Variants in MAGI2 observed in about 807,000 individuals in gnomAD.
MAGI2 encodes the protein membrane associated guanylate kinase, WW and PDZ domain containing 2, also known as membrane-associated guanylate kinase, WW and PDZ domain-containing protein 2.
Under a neutral mutation model 133.3 loss-of-function variants are expected in MAGI2, and 35 were observed. The ratio of observed to expected loss-of-function variants is 0.26; its 90% CI spans 0.20 to 0.35. MAGI2 has a LOEUF of 0.35. Ranked by LOEUF, MAGI2 falls within the 10% of genes least tolerant of loss-of-function variation. The pLI, the probability that MAGI2 is intolerant of heterozygous loss-of-function variation, is 1.00. For synonymous variants in MAGI2, 729 were observed against 710.6 expected (o/e 1.03, Z -0.41); for missense variants, 1,636 against 1,863.4 (o/e 0.88, Z 2.25).
At chr7:79,171,770 A>ATATTTT in intron 1 of MAGI2, among the ~76,000 whole-genome samples, 19 of 31,214 alleles carry the variant, frequency 6.1e-4, no homozygotes, top group Non-Finnish European at 1.2e-3. Flanking sequence ...ATATATATAT[A>ATATTTT]TTTTTTTTTT....
At chr7:79,098,422 A>G (rs1261894078) in intron 1 of MAGI2, among the ~76,000 whole-genome samples, 1 of 152,182 alleles carries the variant, frequency 6.6e-6, no homozygotes, top group African/African-American at 2.4e-5. Context: ...CACTTAACAC[A>G]TTGACACTAC....
intron 2 of MAGI2, among the ~76,000 whole-genome samples, chr7:78,693,690 A>G (rs954345173): frequency 7.2e-5 from 11 of 152,208 alleles, no homozygotes; most frequent in African/African-American, 2.4e-4. Flanking sequence ...ATAATGAGCC[A>G]GGATGCTAGA....
chr7:78,813,782 T>A, intron 2 of MAGI2, among the ~76,000 whole-genome samples: 1 of 44,704 alleles, frequency 2.2e-5, no homozygotes, highest in Admixed American at 3.4e-4. Flanking sequence ...TGAGATTCTG[T>A]CTCAAAAAAA....
intron 9 of MAGI2, among the ~76,000 whole-genome samples, chr7:78,271,684 A>G (rs905726447): frequency 3.3e-5 from 5 of 152,050 alleles, no homozygotes; most frequent in African/African-American, 1.2e-4. Flanking sequence ...TAGTCTTAGG[A>G]TGGTGTATGT....
intron 1 of MAGI2, among the ~76,000 whole-genome samples, chr7:79,113,939 T>C (rs1266054114): frequency 6.6e-6 from 1 of 152,140 alleles, no homozygotes; most frequent in African/African-American, 2.4e-5. Flanking sequence ...CATGGAACAG[T>C]ATATGTCTTT....
At chr7:78,817,708 T>A (rs1789719701) in intron 2 of MAGI2, among the ~76,000 whole-genome samples, 2 of 151,458 alleles carry the variant, frequency 1.3e-5, no homozygotes, top group African/African-American at 4.8e-5. Flanking sequence ...TACAGTATAG[T>A]GTAAACTTTT....
At chr7:78,370,227 A>T (rs1405292746) in intron 6 of MAGI2, among the ~76,000 whole-genome samples, 11 of 152,100 alleles carry the variant, frequency 7.2e-5, no homozygotes, top group Admixed American at 6.6e-4. Flanking sequence ...TTTTCTATGC[A>T]TATGTGTGCA....
intron 10 of MAGI2, among the ~76,000 whole-genome samples, chr7:78,222,784 A>G (rs1352569814): frequency 6.6e-6 from 1 of 152,238 alleles, no homozygotes; most frequent in African/African-American, 2.4e-5. Context: ...ATGAGCTAAC[A>G]AATGAAAAGC....
chr7:79,238,750 C>A (rs541998445), intron 1 of MAGI2, among the ~76,000 whole-genome samples: 11 of 152,196 alleles, frequency 7.2e-5, no homozygotes, highest in African/African-American at 2.6e-4. Context: ...TGAGCATAAA[C>A]CCTATCTTTG....
At chr7:79,276,018 C>A (rs992225734) in intron 1 of MAGI2, among the ~76,000 whole-genome samples, 62 of 152,130 alleles carry the variant, frequency 4.1e-4, no homozygotes, top group Admixed American at 1.1e-3. Flanking sequence ...ATGTTGTTTT[C>A]ATGCCTGCTA....
chr7:78,703,501 T>TA (rs1255604181), intron 2 of MAGI2, among the ~76,000 whole-genome samples: 2 of 152,046 alleles, frequency 1.3e-5, no homozygotes, highest in Non-Finnish European at 2.9e-5. Flanking sequence ...GTTGAATGGA[T>TA]ACAGATACAG....
intron 1 of MAGI2, among the ~76,000 whole-genome samples, chr7:79,196,159 A>G (rs1156318171): frequency 6.6e-6 from 1 of 152,056 alleles, no homozygotes; most frequent in African/African-American, 2.4e-5. Context: ...TCATTCCACA[A>G]TGTATATTTT....
chr7:78,313,825 C>T (rs189809773), intron 9 of MAGI2, among the ~76,000 whole-genome samples: 9 of 152,184 alleles, frequency 5.9e-5, no homozygotes, highest in African/African-American at 1.9e-4. Flanking sequence ...TCGGATACTA[C>T]AATGACTTTT....
chr7:78,653,227 T>G (rs1811768725), intron 2 of MAGI2, among the ~76,000 whole-genome samples: 1 of 152,156 alleles, frequency 6.6e-6, no homozygotes, highest in African/African-American at 2.4e-5. Context: ...AATAGTGTGG[T>G]GATTCCTCAA....
intron 20 of MAGI2, among the ~76,000 whole-genome samples, chr7:78,100,298 A>G (rs1422964078): frequency 1.3e-5 from 2 of 152,164 alleles, no homozygotes; most frequent in Non-Finnish European, 2.9e-5. Flanking sequence ...AATCTGAATC[A>G]TACAACCCTG....
intron 6 of MAGI2, among the ~76,000 whole-genome samples, chr7:78,461,205 G>A (rs1256195778): frequency 6.6e-6 from 1 of 151,990 alleles, no homozygotes; most frequent in Non-Finnish European, 1.5e-5. Flanking sequence ...TTGCGAAGAG[G>A]TGGACATATT....
intron 2 of MAGI2, among the ~76,000 whole-genome samples, chr7:78,689,332 T>C (rs1013398299): frequency 6.6e-6 from 1 of 152,160 alleles, no homozygotes; most frequent in Non-Finnish European, 1.5e-5. Context: ...ACTCAATATA[T>C]TACCTTTAGA....
At chr7:79,172,724 G>C (rs80056420) in intron 1 of MAGI2, among the ~76,000 whole-genome samples, 1 of 151,778 alleles carries the variant, frequency 6.6e-6, no homozygotes, top group East Asian at 1.9e-4. Flanking sequence ...ATAAAGCATT[G>C]GAGATGTGCA....
intron 3 of MAGI2, among the ~76,000 whole-genome samples, chr7:78,599,845 T>C (rs1170599362): frequency 2.0e-5 from 3 of 152,194 alleles, no homozygotes; most frequent in Admixed American, 2.0e-4. Context: ...CTCACTCTGC[T>C]GCTTGTCACT....
Sources: allele counts gnomAD v4.1 joint callset (sites outside exome capture counted in the v4.1 genomes callset), GRCh38; gene constraint gnomAD v4.1.1; transcripts MANE v1.5; gene names NCBI Gene and HGNC (gene_info 2026-07-23, HGNC 2026-07-21).